Variants in ADD3 observed in about 807,000 individuals in gnomAD.
ADD3 encodes adducin 3.
A neutral mutation model predicts 80.2 loss-of-function variants in ADD3; 25 were observed. That is an observed-to-expected ratio of 0.31 (90% CI 0.23 to 0.44). The LOEUF is 0.44. Among genes scored for constraint, ADD3 ranks in the 20% least tolerant of loss-of-function variants. ADD3 has a pLI of 1.00. For missense variants in ADD3, 829 were observed against 847.5 expected (o/e 0.98, Z 0.27); for synonymous variants, 284 against 289.6 (o/e 0.98, Z 0.20).
intron 1 of ADD3, among the ~76,000 whole-genome samples, chr10:110,044,570 T>A (rs1856722581): frequency 6.6e-6 from 1 of 152,210 alleles, no homozygotes; most frequent in Non-Finnish European, 1.5e-5. Flanking sequence ...TCATAGAACA[T>A]CCACAGCTGA....
chr10:110,085,369 G>A (rs1846596094), intron 1 of ADD3, among the ~76,000 whole-genome samples: 1 of 152,064 alleles, frequency 6.6e-6, no homozygotes, highest in Non-Finnish European at 1.5e-5. Context: ...TTAATTTGGT[G>A]AATACCCAGG....
chr10:110,117,931 G>A lies in ADD3; in HGVS notation c.567+509G>A, dbSNP rs761296060. 2.6e-5 allele frequency among the ~76,000 whole-genome samples: 4 copies of A among 151,468 alleles called. No individual in the cohort carries two copies. In the South Asian group the frequency reaches 6.3e-4, roughly 24 times the overall value. On this transcript the variant is annotated intron_variant, in intron 5 of 14. Transcript: ENST00000356080. Reference sequence around the variant, plus strand: ...CTCGGGAGGCTGAGGCAGGAGAATCGCTTGAATCCATAAGGTAGAGGTTGC... The same window carrying A: ...CTCGGGAGGCTGAGGCAGGAGAATCACTTGAATCCATAAGGTAGAGGTTGC...
chr10:110,127,169 G>A (rs1333777822), intron 12 of ADD3, among the ~76,000 whole-genome samples: 1 of 151,990 alleles, frequency 6.6e-6, no homozygotes, highest in African/African-American at 2.4e-5. Flanking sequence ...TGTTAGATCA[G>A]CTTTCGTTAT....
At chr10:110,031,757 T>A (rs561210225) in intron 1 of ADD3, among the ~76,000 whole-genome samples, 118 of 152,124 alleles carry the variant, frequency 7.8e-4, no homozygotes, top group African/African-American at 2.7e-3. Context: ...TTTTTTTTTT[T>A]AAGTAACTTT....
At chr10:110,105,202 T>C (rs1849271774) in intron 2 of ADD3, among the ~76,000 whole-genome samples, 1 of 152,136 alleles carries the variant, frequency 6.6e-6, no homozygotes, top group Non-Finnish European at 1.5e-5. Context: ...AAATAAAATA[T>C]TTATCTTAGA....
At chr10:110,014,336 A>C (rs755716888) in intron 1 of ADD3, among the ~76,000 whole-genome samples, 1 of 152,186 alleles carries the variant, frequency 6.6e-6, no homozygotes, top group African/African-American at 2.4e-5. Context: ...TCAGAGCTCA[A>C]ATGGAGTTGT....
intron 1 of ADD3, among the ~76,000 whole-genome samples, chr10:110,068,906 G>A (rs550935434): frequency 5.9e-5 from 9 of 152,054 alleles, no homozygotes; most frequent in South Asian, 2.1e-4. Context: ...GTGAGACCTC[G>A]TCTCTGCAAA....
intron 1 of ADD3, among the ~76,000 whole-genome samples, chr10:110,090,123 G>A (rs1399822549): frequency 1.3e-5 from 2 of 148,616 alleles, no homozygotes; most frequent in East Asian, 3.9e-4. Flanking sequence ...GTGACACAGA[G>A]GTTAGACTGA....
At chr10:110,055,655 T>A (rs183954891) in intron 1 of ADD3, among the ~76,000 whole-genome samples, 1 of 152,234 alleles carries the variant, frequency 6.6e-6, no homozygotes, top group African/African-American at 2.4e-5. Context: ...TCAGAGTCTT[T>A]GATTCCTGTC....
At chr10:110,131,437 G>A (rs1233937424) in intron 13 of ADD3, among the ~76,000 whole-genome samples, 2 of 152,174 alleles carry the variant, frequency 1.3e-5, no homozygotes, top group Non-Finnish European at 1.5e-5. Flanking sequence ...TCAGGAACAA[G>A]CCTGTCACCC....
At chr10:110,025,060 A>AT (rs1304159339) in intron 1 of ADD3, among the ~76,000 whole-genome samples, 2 of 151,632 alleles carry the variant, frequency 1.3e-5, no homozygotes, top group East Asian at 3.9e-4. Context: ...TGCCTGGCTA[A>AT]TTTTTTTGTA....
intron 1 of ADD3, among the ~76,000 whole-genome samples, chr10:110,025,815 A>G (rs985906325): frequency 1.3e-5 from 2 of 152,158 alleles, no homozygotes; most frequent in African/African-American, 4.8e-5. Context: ...GGGTTTTGTC[A>G]GAATTCCACC....
At chr10:110,072,037 A>G (rs967555883) in intron 1 of ADD3, among the ~76,000 whole-genome samples, 2 of 152,224 alleles carry the variant, frequency 1.3e-5, no homozygotes, top group Non-Finnish European at 2.9e-5. Context: ...GGCAAGGGAC[A>G]TTATTCATTT....
intron 1 of ADD3, among the ~76,000 whole-genome samples, chr10:110,009,760 C>CA (rs1160536944): frequency 6.6e-6 from 1 of 152,114 alleles, no homozygotes; most frequent in Non-Finnish European, 1.5e-5. Flanking sequence ...TTAAGGTGCC[C>CA]AGAAGTGCTG....
rs148105742 is a variant in ADD3 at position 110,118,019 on chromosome 10, TACACACACACACACAC to T, written c.568-528_568-513del. On this transcript the variant is annotated intron_variant, in intron 5 of 14. Transcript: ENST00000356080. ...CTACAGGGCGAGACTCTGTCTTCAATACACACACACACACACACACACACACACACACACACACACA... is the reference window on the plus strand; with the variant it reads ...CTACAGGGCGAGACTCTGTCTTCAATACACACACACACACACACACACACA... 3.1e-3 allele frequency among the ~76,000 whole-genome samples: 387 copies of T among 125,680 alleles called. 3 individuals carry two copies. Among genetic ancestry groups the T allele is most frequent in the South Asian group, 0.012 (44 of 3,712 alleles). The allele number at this position is 125,680 out of a possible 152,430, so 82.5% of individuals were successfully genotyped here. A position where few individuals can be genotyped will look rare whatever the true frequency, so the allele number is the denominator to read the frequency against.
At chr10:110,123,542 C>A (rs1311663302) in intron 9 of ADD3, among the ~76,000 whole-genome samples, 1 of 152,014 alleles carries the variant, frequency 6.6e-6, no homozygotes, top group Non-Finnish European at 1.5e-5. Flanking sequence ...TAATTGGGTT[C>A]TTCTCTTGTT....
chr10:110,026,724 A>G (rs6584965), intron 1 of ADD3, among the ~76,000 whole-genome samples: 1 of 151,440 alleles, frequency 6.6e-6, no homozygotes, highest in Non-Finnish European at 1.5e-5. Context: ...TAAAAATCTT[A>G]TAGGTCAGTT....
intron 12 of ADD3, 118 bp downstream of exon 12, chr10:110,126,621 C>A: frequency 1.4e-6 from 1 of 737,580 alleles, no homozygotes; most frequent in Non-Finnish European, 2.2e-6. Context: ...AAAAAGTCAA[C>A]TCACAAGATT....
chr10:110,097,338 A>G (rs1848290304), intron 1 of ADD3, among the ~76,000 whole-genome samples: 1 of 152,242 alleles, frequency 6.6e-6, no homozygotes. Context: ...GGTATACTAT[A>G]AAATTCAGGA....
Sources: gnomAD v4.1 joint callset for allele counts (sites outside exome capture counted in the v4.1 genomes callset) on GRCh38, gnomAD v4.1.1 for gene constraint, MANE v1.5 for transcripts, NCBI Gene and HGNC (gene_info 2026-07-23, HGNC 2026-07-21) for gene names.